Variants in PDE4D observed in about 807,000 individuals in gnomAD.
PDE4D encodes 3',5'-cyclic-AMP phosphodiesterase 4D.
In PDE4D, 24 loss-of-function variants were observed where a neutral mutation model predicts 87.4. The observed-to-expected ratio is 0.27, with a 90% CI of 0.20 to 0.39. The LOEUF is 0.39. Among genes scored for constraint, PDE4D ranks in the 10% least tolerant of loss-of-function variants. The probability of loss-of-function intolerance (pLI) is 1.00; values close to 1 mark genes in which losing one functional copy is unlikely to be tolerated. For synonymous variants in PDE4D, 384 were observed against 383.2 expected (o/e 1.00, Z -0.02); for missense variants, 714 against 1,041.0 (o/e 0.69, Z 4.32).
intron 1 of PDE4D, among the ~76,000 whole-genome samples, chr5:59,238,259 G>A (rs1482093915): frequency 6.6e-6 from 1 of 152,114 alleles, no homozygotes; most frequent in African/African-American, 2.4e-5. Context: ...ACTAATAATA[G>A]GCATGGTTAG....
chr5:59,356,625 G>T, intron 1 of PDE4D: 1 of 676,320 alleles, frequency 1.5e-6, no homozygotes, highest in Non-Finnish European at 2.3e-6. Flanking sequence ...TCATCTTCTT[G>T]GCTCTTATTT....
intron 1 of PDE4D, among the ~76,000 whole-genome samples, chr5:59,294,097 A>G (rs1315961090): frequency 6.6e-6 from 1 of 152,178 alleles, no homozygotes; most frequent in Admixed American, 6.6e-5. Context: ...ACTGCTTGGC[A>G]GTCTTTGGAT....
intron 5 of PDE4D, among the ~76,000 whole-genome samples, chr5:59,098,922 C>T (rs1419556906): frequency 3.9e-5 from 6 of 152,030 alleles, no homozygotes; most frequent in Non-Finnish European, 8.8e-5. Context: ...ATCACTACTA[C>T]ACAAACGGGA....
intron 11 of PDE4D, among the ~76,000 whole-genome samples, chr5:58,985,546 G>A (rs989086758): frequency 6.6e-6 from 1 of 152,192 alleles, no homozygotes; most frequent in Non-Finnish European, 1.5e-5. Context: ...TGTGCCTTAA[G>A]CTCTCAGTGC....
intron 1 of PDE4D, among the ~76,000 whole-genome samples, chr5:60,376,242 G>A (rs754678560): frequency 2.0e-5 from 3 of 152,074 alleles, no homozygotes; most frequent in Non-Finnish European, 4.4e-5. Context: ...GCACTAAATG[G>A]TGATAAACCC....
chr5:60,104,804 TGTC>T (rs1776685776), intron 2 of PDE4D, among the ~76,000 whole-genome samples: 1 of 152,238 alleles, frequency 6.6e-6, no homozygotes, highest in Non-Finnish European at 1.5e-5. Context: ...CTGAGGGTCC[TGTC>T]TCTTAGAAGG....
chr5:60,038,443 G>A (rs1176033406), intron 2 of PDE4D, among the ~76,000 whole-genome samples: 4 of 151,906 alleles, frequency 2.6e-5, no homozygotes, highest in East Asian at 1.9e-4. Flanking sequence ...GTAGATATGC[G>A]GCGTTATTTC....
intron 1 of PDE4D, among the ~76,000 whole-genome samples, chr5:59,377,632 G>GA: frequency 6.6e-6 from 1 of 151,942 alleles, no homozygotes; most frequent in Non-Finnish European, 1.5e-5. Context: ...AAATTTACAA[G>GA]AAAAAACAAC....
At chr5:60,238,250 C>T (rs1432057205) in intron 1 of PDE4D, among the ~76,000 whole-genome samples, 1 of 151,898 alleles carries the variant, frequency 6.6e-6, no homozygotes, top group African/African-American at 2.4e-5. Context: ...TACATTTCAT[C>T]TACTATGCTG....
intron 1 of PDE4D, among the ~76,000 whole-genome samples, chr5:59,557,451 C>T (rs187807914): frequency 1.2e-4 from 19 of 152,162 alleles, no homozygotes; most frequent in Admixed American, 3.3e-4. Context: ...CCGCCATTGC[C>T]GACTGGCTGT....
chr5:60,032,376 G>A (rs981849588), intron 2 of PDE4D, among the ~76,000 whole-genome samples: 4 of 152,176 alleles, frequency 2.6e-5, no homozygotes, highest in Non-Finnish European at 4.4e-5. Context: ...TCTCTATTGC[G>A]TTCTTATTTC....
chr5:60,177,462 A>C (rs1379592782), intron 2 of PDE4D, among the ~76,000 whole-genome samples: 2 of 152,180 alleles, frequency 1.3e-5, no homozygotes, highest in Admixed American at 6.6e-5. Flanking sequence ...CTGAGGTCCC[A>C]GTAAAATGAG....
At chr5:59,480,413 T>A (rs1409532754) in intron 1 of PDE4D, among the ~76,000 whole-genome samples, 1 of 152,170 alleles carries the variant, frequency 6.6e-6, no homozygotes, top group Non-Finnish European at 1.5e-5. Flanking sequence ...CTGAATAGTC[T>A]GAGATTTAAT....
chr5:59,369,186 A>G (rs140672848), intron 1 of PDE4D, among the ~76,000 whole-genome samples: 1 of 152,254 alleles, frequency 6.6e-6, no homozygotes, highest in East Asian at 1.9e-4. Context: ...CATTGTATTC[A>G]TGTGGAAGAG....
chr5:60,060,958 A>C (rs1338416179), intron 2 of PDE4D, among the ~76,000 whole-genome samples: 1 of 152,082 alleles, frequency 6.6e-6, no homozygotes, highest in African/African-American at 2.4e-5. Context: ...CTTCTGACAA[A>C]CCCACAGCCA....
chr5:59,934,594 T>C (rs570889815), intron 3 of PDE4D, among the ~76,000 whole-genome samples: 10 of 152,356 alleles, frequency 6.6e-5, no homozygotes, highest in Non-Finnish European at 1.5e-4. Context: ...GGCAGATATT[T>C]GCATAGATCT....
chr5:60,172,102 A>ATATATATATATTATAT (rs930356982), intron 2 of PDE4D, among the ~76,000 whole-genome samples: 1 of 146,044 alleles, frequency 6.8e-6, no homozygotes, highest in Non-Finnish European at 1.5e-5. Flanking sequence ...AAATGAGTGA[A>ATATATATATATTATAT]TATATATATA....
chr5:59,968,316 C>T (rs959988758), intron 3 of PDE4D, among the ~76,000 whole-genome samples: 5 of 152,108 alleles, frequency 3.3e-5, no homozygotes, highest in African/African-American at 9.6e-5. Flanking sequence ...CAAATTAACA[C>T]AGGAATGGAA....
At chr5:59,173,000 A>C (rs1378193431) in intron 5 of PDE4D, 1 of 152,148 alleles carries the variant, frequency 6.6e-6, no homozygotes, top group East Asian at 1.9e-4. Flanking sequence ...TTACTGATAA[A>C]GAATACCCCC....
Sources: gnomAD v4.1 joint callset for allele counts (sites outside exome capture counted in the v4.1 genomes callset) on GRCh38, gnomAD v4.1.1 for gene constraint, MANE v1.5 for transcripts, NCBI Gene and HGNC (gene_info 2026-07-23, HGNC 2026-07-21) for gene names.